The following VDAC1 variants were observed in gnomAD, a reference collection of about 807,000 sequenced individuals.
VDAC1 encodes voltage dependent anion channel 1, also known as non-selective voltage-gated ion channel VDAC1.
VDAC1 carries 10 observed loss-of-function variants against 34.7 expected under a neutral mutation model. The ratio of observed to expected loss-of-function variants is 0.29; its 90% CI spans 0.18 to 0.49. VDAC1 has a LOEUF of 0.49. Ranked by LOEUF, VDAC1 falls within the 20% of genes least tolerant of loss-of-function variation. The pLI is 0.99. For synonymous variants in VDAC1, 130 were observed against 136.0 expected (o/e 0.96, Z 0.30); for missense variants, 230 against 347.9 (o/e 0.66, Z 2.69).
the VDAC1 span, among the ~76,000 whole-genome samples, chr5:134,107,340 C>A: frequency 2.0e-5 from 3 of 152,266 alleles, no homozygotes; most frequent in East Asian, 5.8e-4. Flanking sequence ...GCCTCTGCTG[C>A]AGCCCGGCCG....
chr5:134,092,123 A>T, the VDAC1 span, among the ~76,000 whole-genome samples: 1 of 152,208 alleles, frequency 6.6e-6, no homozygotes, highest in African/African-American at 2.4e-5. Flanking sequence ...ATTAACTCAC[A>T]TAGTTACTAA....
the VDAC1 span, among the ~76,000 whole-genome samples, chr5:134,010,355 T>G: frequency 6.6e-6 from 1 of 152,118 alleles, no homozygotes; most frequent in Non-Finnish European, 1.5e-5. Flanking sequence ...CCCAGCACTT[T>G]GGGAGGCTGA....
chr5:134,044,440 C>A, the VDAC1 span, among the ~76,000 whole-genome samples: 7 of 152,350 alleles, frequency 4.6e-5, no homozygotes, highest in African/African-American at 1.7e-4. Flanking sequence ...GCTCCCCAGA[C>A]AGCTAAGGGA....
At chr5:134,004,793 C>T (rs554088840) in intron 1 of VDAC1, 102 bp downstream of exon 1, 7 of 149,922 alleles carry the variant, frequency 4.7e-5, no homozygotes, top group Non-Finnish European at 8.9e-5. Context: ...CCCGCCTCCC[C>T]TCCTGCGCGC....
intron 5 of VDAC1, among the ~76,000 whole-genome samples, chr5:133,990,158 T>G (rs1292023973): frequency 6.6e-6 from 1 of 152,168 alleles, no homozygotes; most frequent in Non-Finnish European, 1.5e-5. Context: ...TCATGCCAAG[T>G]GATGGTCAAG....
In VDAC1 at chr5:133,972,822, G is replaced by A. The variant is rs748447031; in HGVS notation, c.801C>T (p.Asn267=). The part of the protein sequence containing the change: ...LTLSALLDGK[N]VNAGGHKLGL... ...CAAGCTTGTGGCCACCAGCATTGAC[G>A]TTCTTGCCATCCAGAAGAGCTGACA... The change falls in exon 9 of 9, where the codon AAC becomes AAT. Residue 267 remains asparagine, a synonymous_variant. Transcript: ENST00000265333. 21 of 1,613,664 alleles carry A rather than the reference G, an allele frequency of 1.3e-5. No homozygotes were observed. Among genetic ancestry groups the A allele is most frequent in the African/African-American group, 1.2e-4 (9 of 74,908 alleles).
chr5:134,014,682 A>G, the VDAC1 span, among the ~76,000 whole-genome samples: 2 of 152,178 alleles, frequency 1.3e-5, no homozygotes, highest in Admixed American at 6.5e-5. Flanking sequence ...CCTAGCCAAC[A>G]TAGTGAAACC....
intron 5 of VDAC1, among the ~76,000 whole-genome samples, chr5:133,989,656 G>A (rs1255555266): frequency 1.0e-4 from 15 of 144,934 alleles, no homozygotes; most frequent in Non-Finnish European, 4.5e-5. Flanking sequence ...CACTGCATCC[G>A]ACTCTTTTTT....
At chr5:134,061,166 CCT>C in the VDAC1 span, among the ~76,000 whole-genome samples, 1 of 92,830 alleles carries the variant, frequency 1.1e-5, no homozygotes, top group African/African-American at 3.6e-5. Context: ...CATCTAGCCT[CCT>C]TTTTTTTTTT....
chr5:134,053,837 C>G, the VDAC1 span, among the ~76,000 whole-genome samples: 7 of 152,184 alleles, frequency 4.6e-5, no homozygotes, highest in East Asian at 5.8e-4. Context: ...TTTCCATTCT[C>G]TATCTTTATG....
the VDAC1 span, among the ~76,000 whole-genome samples, chr5:134,086,817 G>A: frequency 9.2e-5 from 14 of 152,180 alleles, no homozygotes; most frequent in South Asian, 1.5e-3. Context: ...TCAAAAATTC[G>A]GGTACCCGAT....
chr5:134,071,632 T>G, the VDAC1 span, among the ~76,000 whole-genome samples: 1 of 152,240 alleles, frequency 6.6e-6, no homozygotes, highest in Non-Finnish European at 1.5e-5. This position sits in a 1 kb window ranked among gnomAD's most constrained non-coding sequence, Gnocchi z 4.1. Flanking sequence ...TTTCGTTTTT[T>G]GGGTGAGGGG....
chr5:134,086,824 C>T, the VDAC1 span, among the ~76,000 whole-genome samples: 3,026 of 152,198 alleles, frequency 0.02, 87 homozygotes, highest in African/African-American at 0.069. Flanking sequence ...TTCGGGTACC[C>T]GATTTTCCCT....
At chr5:133,984,343 G>A (rs2126940070) in intron 5 of VDAC1, among the ~76,000 whole-genome samples, 1 of 151,514 alleles carries the variant, frequency 6.6e-6, no homozygotes, top group East Asian at 2.0e-4. Context: ...TTACAGGTGT[G>A]AGCCACCTCG....
At chr5:134,036,084 GA>G in the VDAC1 span, among the ~76,000 whole-genome samples, 7 of 151,572 alleles carry the variant, frequency 4.6e-5, no homozygotes, top group Admixed American at 1.3e-4. Context: ...AATGGATGCT[GA>G]AATTAGTAAG....
At chr5:134,051,700 T>C in the VDAC1 span, among the ~76,000 whole-genome samples, 5 of 151,724 alleles carry the variant, frequency 3.3e-5, no homozygotes, top group Non-Finnish European at 7.4e-5. Context: ...TTTTTGTTTT[T>C]GTTTTTTTGT....
At chr5:134,100,307 T>C in the VDAC1 span, among the ~76,000 whole-genome samples, 1 of 152,236 alleles carries the variant, frequency 6.6e-6, no homozygotes, top group Non-Finnish European at 1.5e-5. Context: ...GCTACCTTCC[T>C]TTCTAATCTT....
At chr5:133,986,301 T>C (rs762195150) in intron 5 of VDAC1, among the ~76,000 whole-genome samples, 6 of 152,214 alleles carry the variant, frequency 3.9e-5, no homozygotes, top group Non-Finnish European at 7.4e-5. Flanking sequence ...CTCAGTCACT[T>C]TGGAAAGCCA....
At chr5:134,094,875 G>C in the VDAC1 span, among the ~76,000 whole-genome samples, 2 of 152,158 alleles carry the variant, frequency 1.3e-5, no homozygotes, top group African/African-American at 4.8e-5. Flanking sequence ...CCACTGCTGG[G>C]CTCCTGCCCA....
Sources: allele counts gnomAD v4.1 joint callset (sites outside exome capture counted in the v4.1 genomes callset), GRCh38; gene constraint gnomAD v4.1.1; non-coding constraint Gnocchi (gnomAD v3.1); transcripts MANE v1.5; gene names NCBI Gene and HGNC (gene_info 2026-07-23, HGNC 2026-07-21).